The following MCC variants were observed in gnomAD, a reference collection of about 807,000 sequenced individuals.
MCC encodes MCC regulator of Wnt signaling pathway.
In MCC, 90 loss-of-function variants were observed where a neutral mutation model predicts 116.2. The observed-to-expected ratio is 0.77, with a 90% confidence interval of 0.65 to 0.92. The LOEUF (loss-of-function observed/expected upper bound fraction) is 0.92, where lower values mean the gene tolerates loss of function less well. Among genes scored for constraint, MCC ranks in the 40% least tolerant of loss-of-function variants. The pLI is 0.00. For missense variants in MCC, 1,516 were observed against 1,312.2 expected, an observed-to-expected ratio of 1.16 and a Z score of -2.40; for synonymous variants, 578 against 510.5, an observed-to-expected ratio of 1.13 and a Z score of -1.78.
At chr5:113,157,989 C>G (rs1466354580) in intron 3 of MCC, among the ~76,000 whole-genome samples, 1 of 152,190 alleles carries the variant, frequency 6.6e-6, no homozygotes, top group African/African-American at 2.4e-5. Context: ...TGTGATAACC[C>G]AGCTGGCTAA....
chr5:113,233,130 G>T (rs900507465), intron 3 of MCC, among the ~76,000 whole-genome samples: 1 of 152,148 alleles, frequency 6.6e-6, no homozygotes, highest in Non-Finnish European at 1.5e-5. Flanking sequence ...GAGTGTTATA[G>T]GCCCATCCAC....
At chr5:113,409,659 T>C (rs779440493) in intron 1 of MCC, among the ~76,000 whole-genome samples, 5 of 152,146 alleles carry the variant, frequency 3.3e-5, no homozygotes, top group Non-Finnish European at 7.4e-5. Context: ...CCTTAAATAT[T>C]TGAATGTTAC....
intron 3 of MCC, among the ~76,000 whole-genome samples, chr5:113,160,189 C>G (rs1760405631): frequency 6.6e-6 from 1 of 152,182 alleles, no homozygotes; most frequent in Non-Finnish European, 1.5e-5. Flanking sequence ...TGAAAGCTGT[C>G]ATACTGGTCC....
At chr5:113,127,960 T>C (rs181141845) in intron 5 of MCC, among the ~76,000 whole-genome samples, 1 of 152,348 alleles carries the variant, frequency 6.6e-6, no homozygotes, top group Non-Finnish European at 1.5e-5. Flanking sequence ...TCTCCCATAA[T>C]CCTCACATTG....
chr5:113,048,751 A>T (rs953680195), intron 16 of MCC: 12 of 445,506 alleles, frequency 2.7e-5, no homozygotes, highest in Admixed American at 2.0e-4. Flanking sequence ...GGGCCCTATT[A>T]TACCAATAAA....
intron 11 of MCC, among the ~76,000 whole-genome samples, chr5:113,078,117 T>A (rs1456971927): frequency 2.0e-5 from 3 of 152,316 alleles, no homozygotes; most frequent in African/African-American, 7.2e-5. Context: ...AGGAGTTGAA[T>A]CCCTGAATAG....
At chr5:113,445,965 T>G (rs1771205451) in intron 1 of MCC, among the ~76,000 whole-genome samples, 1 of 152,328 alleles carries the variant, frequency 6.6e-6, no homozygotes, top group Admixed American at 6.5e-5. Flanking sequence ...AGTCGTCTAA[T>G]TTTTGACAAA....
intron 3 of MCC, among the ~76,000 whole-genome samples, chr5:113,336,585 C>T (rs1767874584): frequency 6.7e-6 from 1 of 148,160 alleles, no homozygotes; most frequent in Non-Finnish European, 1.5e-5. Flanking sequence ...AGCTTTCCCT[C>T]TTAACAGCTG....
intron 1 of MCC, among the ~76,000 whole-genome samples, chr5:113,462,616 C>T (rs1242541795): frequency 6.6e-6 from 1 of 152,148 alleles, no homozygotes; most frequent in Admixed American, 6.5e-5. Flanking sequence ...ATTTGTTCTC[C>T]AGTAACTCCA....
intron 2 of MCC, among the ~76,000 whole-genome samples, chr5:113,384,141 A>G (rs561798909): frequency 2.0e-4 from 31 of 152,352 alleles, no homozygotes; most frequent in Admixed American, 4.6e-4. Context: ...AAAAATATAT[A>G]CAAGAAACCC....
intron 1 of MCC, among the ~76,000 whole-genome samples, chr5:113,476,331 T>C (rs1580425053): frequency 6.6e-6 from 1 of 152,198 alleles, no homozygotes; most frequent in South Asian, 2.1e-4. Context: ...AGTATGGTAC[T>C]AGTATAAGGA....
chr5:113,431,133 T>C (rs1357347818), intron 1 of MCC, among the ~76,000 whole-genome samples: 1 of 151,912 alleles, frequency 6.6e-6, no homozygotes, highest in African/African-American at 2.4e-5. Flanking sequence ...CTTGAGGTAG[T>C]GAAAGGATTG....
rs758016956 is a variant in MCC at position 113,085,169 on chromosome 5, C to T, written c.1540G>A (p.Ala514Thr). The T allele has an allele frequency of 2.9e-5, 47 of 1,614,010 alleles. No individual in the cohort carries two copies. The highest frequency in any genetic ancestry group is 3.6e-5 in the Non-Finnish European group (43 of 1,180,024). The change falls in exon 9 of 19, where the codon GCC becomes ACC. Residue 514 changes from alanine to threonine, a missense_variant. Ala to Thr is a moderately conservative substitution (Grantham distance 58). Transcript: ENST00000408903. ...GTCCATCCCCAGGAACTCACCTTGG[C>T]GATGGGAATGTCATTGCTGCTGCTG... The part of the protein sequence containing the change: ...TSSSSNDIPI[A>T]KIAERVKLSK...
rs150676435 is a variant in MCC at position 113,127,600 on chromosome 5, C to T, written c.885-4774G>A. Among the ~76,000 whole-genome samples, 276 of 152,280 alleles carry T rather than the reference C, an allele frequency of 1.8e-3. 1 individual carries two copies. In the East Asian group the frequency reaches 0.024, roughly 13 times the overall value. The stretch of plus-strand genomic sequence containing the variant: ...TTTTGATTTCCATTTCTCTAATGAG[C>T]AGCAATATTGAGCTTTTTTTCATAT... On this transcript the variant is annotated intron_variant, in intron 5 of 18. Coordinates refer to ENST00000408903, the MANE Select transcript of MCC (RefSeq NM_001085377.2).
At chr5:113,194,130 C>T (rs556554940) in intron 3 of MCC, among the ~76,000 whole-genome samples, 19 of 152,234 alleles carry the variant, frequency 1.2e-4, no homozygotes, top group Admixed American at 5.9e-4. Flanking sequence ...TAAACATCAT[C>T]GTCTAGTCCT....
intron 1 of MCC, among the ~76,000 whole-genome samples, chr5:113,429,245 T>C (rs1297051582): frequency 1.3e-5 from 2 of 151,854 alleles, no homozygotes; most frequent in Non-Finnish European, 2.9e-5. Flanking sequence ...CCTAATCCAA[T>C]TGGACTGTAG....
intron 3 of MCC, among the ~76,000 whole-genome samples, chr5:113,175,454 G>A (rs988152186): frequency 5.3e-5 from 8 of 152,150 alleles, no homozygotes; most frequent in Admixed American, 3.9e-4. Context: ...ATTCCAGGAA[G>A]ACTAAGTTAA....
intron 3 of MCC, among the ~76,000 whole-genome samples, chr5:113,242,965 C>A (rs113972086): frequency 6.6e-6 from 1 of 152,160 alleles, no homozygotes; most frequent in Non-Finnish European, 1.5e-5. Flanking sequence ...CAGGCAAATG[C>A]AATTCACAAT....
chr5:113,339,313 A>T (rs924242807), intron 3 of MCC, among the ~76,000 whole-genome samples: 2 of 152,094 alleles, frequency 1.3e-5, no homozygotes, highest in Non-Finnish European at 2.9e-5. Context: ...TTTCCTACTT[A>T]TTAACATCTT....
Sources: gnomAD v4.1 joint callset for allele counts (sites outside exome capture counted in the v4.1 genomes callset) on GRCh38, gnomAD v4.1.1 for gene constraint, MANE v1.5 for transcripts, NCBI Gene and HGNC (gene_info 2026-07-23, HGNC 2026-07-21) for gene names.